SLC44A5: variants seen among roughly 807,000 people sequenced by gnomAD.
SLC44A5 encodes the protein choline transporter-like protein 5.
Under a neutral mutation model 101.8 loss-of-function variants are expected in SLC44A5, and 57 were observed. That is an observed-to-expected ratio of 0.56 (90% CI 0.45 to 0.70). The LOEUF (loss-of-function observed/expected upper bound fraction) is 0.70, where lower values mean the gene tolerates loss of function less well. Ranked by LOEUF, SLC44A5 falls within the 30% of genes least tolerant of loss-of-function variation. SLC44A5 has a pLI of 0.00. For missense variants in SLC44A5, 737 were observed against 853.1 expected, an observed-to-expected ratio of 0.86 and a Z score of 1.70; for synonymous variants, 281 against 290.9, an observed-to-expected ratio of 0.97 and a Z score of 0.35.
At chr1:75,443,030 C>T (rs1442435356) in intron 2 of SLC44A5, among the ~76,000 whole-genome samples, 1 of 152,086 alleles carries the variant, frequency 6.6e-6, no homozygotes, top group African/African-American at 2.4e-5. Flanking sequence ...GATTAATAAA[C>T]TATTGCATAC....
chr1:75,651,687 ACT>A, the SLC44A5 span, among the ~76,000 whole-genome samples: 2 of 117,510 alleles, frequency 1.7e-5, no homozygotes, highest in Non-Finnish European at 3.3e-5. Flanking sequence ...ACAGAGCGAG[ACT>A]CTGTCTCAAA....
At chr1:75,515,371 A>G (rs1428240214) in intron 2 of SLC44A5, among the ~76,000 whole-genome samples, 2 of 152,142 alleles carry the variant, frequency 1.3e-5, no homozygotes, top group African/African-American at 4.8e-5. Context: ...TAGATGTCAA[A>G]AAAAAAAGCA....
Position 75,543,404 on chromosome 1 carries a change from C to T in SLC44A5, c.-69-1888G>A, listed in dbSNP as rs542581135. ...GTCATTCCTCTCCACCAAACCATCCCGCAAAAATATCTGAGTTGTTGTATT... is the reference window on the plus strand; with the variant it reads ...GTCATTCCTCTCCACCAAACCATCCTGCAAAAATATCTGAGTTGTTGTATT... On this transcript the variant is annotated intron_variant, in intron 1 of 23. Coordinates refer to ENST00000370859, the MANE Select transcript of SLC44A5 (RefSeq NM_001130058.2). Among the ~76,000 whole-genome samples, 13 of 151,864 alleles carry T rather than the reference C, an allele frequency of 8.6e-5. No homozygotes were observed. The South Asian group carries it at 2.7e-3, about 32-fold the overall frequency.
chr1:75,682,108 T>C, the SLC44A5 span, among the ~76,000 whole-genome samples: 8 of 152,184 alleles, frequency 5.3e-5, no homozygotes, highest in East Asian at 1.4e-3. Flanking sequence ...TAAAAGAGGA[T>C]ACAAATAAAT....
chr1:75,543,088 A>G (rs1439937318), intron 1 of SLC44A5, among the ~76,000 whole-genome samples: 1 of 152,200 alleles, frequency 6.6e-6, no homozygotes, highest in Admixed American at 6.6e-5. Flanking sequence ...TGCCATGCAT[A>G]CACAATAAAA....
At chr1:75,401,263 C>T (rs1263730097) in intron 2 of SLC44A5, among the ~76,000 whole-genome samples, 2 of 152,190 alleles carry the variant, frequency 1.3e-5, no homozygotes, top group Non-Finnish European at 2.9e-5. Flanking sequence ...ATTTACTGAA[C>T]TCTAACTGGA....
At chr1:75,352,596 A>G (rs976686276) in intron 3 of SLC44A5, among the ~76,000 whole-genome samples, 6 of 152,162 alleles carry the variant, frequency 3.9e-5, no homozygotes, top group African/African-American at 9.7e-5. Context: ...AAATTATTAT[A>G]TACCCCCCAA....
chr1:75,669,026 A>AGAAGAG, the SLC44A5 span, among the ~76,000 whole-genome samples: 97 of 151,616 alleles, frequency 6.4e-4, 1 homozygote, highest in African/African-American at 2.2e-3. Flanking sequence ...GAGAAGAAGA[A>AGAAGAG]GAAGAGGAAG....
the SLC44A5 span, among the ~76,000 whole-genome samples, chr1:75,681,979 A>T: frequency 6.6e-6 from 1 of 152,108 alleles, no homozygotes. Context: ...CAAACAGCCA[A>T]ATCATGAGTG....
chr1:75,637,931 A>G, the SLC44A5 span, among the ~76,000 whole-genome samples: 1 of 152,048 alleles, frequency 6.6e-6, no homozygotes, highest in African/African-American at 2.4e-5. Flanking sequence ...TTTTAATTCA[A>G]AAGTATAGTG....
chr1:75,647,016 G>C, the SLC44A5 span, among the ~76,000 whole-genome samples: 4 of 152,206 alleles, frequency 2.6e-5, no homozygotes, highest in African/African-American at 9.7e-5. Context: ...TAATCCCCCA[G>C]ATAATGGGGA....
rs1223743299 is a variant in SLC44A5 at position 75,336,884 on chromosome 1, T to G, written c.101+2698A>C. The stretch of plus-strand genomic sequence containing the variant: ...AGGTGTATTCCATGAGACCTAGTAA[T>G]GCAAATAGCGCAGAGAACTCTGCTA... On this transcript the variant is annotated intron_variant, in intron 4 of 23. Transcript: ENST00000370859. Among the ~76,000 whole-genome samples, 3 of 152,308 alleles carry G rather than the reference T, an allele frequency of 2.0e-5. No homozygotes were observed. In the East Asian group the frequency reaches 5.8e-4, roughly 29 times the overall value.
chr1:75,360,898 T>C (rs139756902), intron 3 of SLC44A5, among the ~76,000 whole-genome samples: 1 of 152,292 alleles, frequency 6.6e-6, no homozygotes, highest in African/African-American at 2.4e-5. Flanking sequence ...GCACTTTGCA[T>C]AGTATGAACA....
intron 2 of SLC44A5, among the ~76,000 whole-genome samples, chr1:75,537,599 T>C (rs1315964773): frequency 6.6e-6 from 1 of 152,230 alleles, no homozygotes; most frequent in Non-Finnish European, 1.5e-5. Flanking sequence ...GGCTTGTCCA[T>C]CTGCCCATCA....
chr1:75,411,382 C>T (rs895707497), intron 2 of SLC44A5, among the ~76,000 whole-genome samples: 7 of 152,100 alleles, frequency 4.6e-5, no homozygotes, highest in African/African-American at 1.4e-4. Context: ...GTAATCTTCA[C>T]ATATTTTCAC....
intron 2 of SLC44A5, among the ~76,000 whole-genome samples, chr1:75,499,164 T>G (rs1668818558): frequency 6.6e-6 from 1 of 152,170 alleles, no homozygotes; most frequent in African/African-American, 2.4e-5. Context: ...AAAAATACTC[T>G]AAGGCAGTGT....
the SLC44A5 span, among the ~76,000 whole-genome samples, chr1:75,683,314 T>C: frequency 1.3e-5 from 2 of 152,190 alleles, no homozygotes; most frequent in Non-Finnish European, 2.9e-5. Context: ...TACGTATGTT[T>C]ATTGCGGCAT....
At chr1:75,681,286 C>T in the SLC44A5 span, among the ~76,000 whole-genome samples, 10 of 152,096 alleles carry the variant, frequency 6.6e-5, no homozygotes, top group South Asian at 2.1e-4. Flanking sequence ...ATACCAAAGC[C>T]GGGCAGAGAC....
intron 6 of SLC44A5, among the ~76,000 whole-genome samples, chr1:75,266,419 G>A (rs1490766029): frequency 2.6e-5 from 4 of 151,548 alleles, no homozygotes; most frequent in African/African-American, 9.7e-5. Context: ...AAGATTTTTA[G>A]GCCTGGGTTA....
Sources: allele counts gnomAD v4.1 joint callset (sites outside exome capture counted in the v4.1 genomes callset), GRCh38; gene constraint gnomAD v4.1.1; transcripts MANE v1.5; gene names NCBI Gene and HGNC (gene_info 2026-07-23, HGNC 2026-07-21).